Variants in TNNI3K observed in about 807,000 individuals in gnomAD.
TNNI3K encodes serine/threonine-protein kinase TNNI3K.
Under a neutral mutation model 114.5 loss-of-function variants are expected in TNNI3K, and 140 were observed. The observed-to-expected ratio is 1.22, with a 90% confidence interval of 1.07 to 1.41. The LOEUF (loss-of-function observed/expected upper bound fraction) is 1.41. Ranked by LOEUF, TNNI3K falls within the 40% of genes most tolerant of loss-of-function variation. TNNI3K has a pLI of 0.00. For missense variants in TNNI3K, 1,125 were observed against 1,007.6 expected, an observed-to-expected ratio of 1.12 and a Z score of -1.58; for synonymous variants, 347 against 347.5, an observed-to-expected ratio of 1.00 and a Z score of 0.02.
At chr1:74,513,417 T>G (rs1646296735) in intron 23 of TNNI3K, among the ~76,000 whole-genome samples, 1 of 152,210 alleles carries the variant, frequency 6.6e-6, no homozygotes, top group Non-Finnish European at 1.5e-5. Flanking sequence ...CTTTGCAATG[T>G]TCCCTCAGAA....
At chr1:74,426,165 A>G (rs1294163982) in intron 17 of TNNI3K, among the ~76,000 whole-genome samples, 1 of 152,092 alleles carries the variant, frequency 6.6e-6, no homozygotes, top group Admixed American at 6.6e-5. Flanking sequence ...AGTAAAAGCT[A>G]TAGTTTCAGA....
intron 9 of TNNI3K, 124 bp from the exon 10 acceptor site, chr1:74,353,142 C>A (rs576029568): frequency 1.6e-4 from 157 of 999,042 alleles, no homozygotes; most frequent in Non-Finnish European, 2.1e-4. Context: ...TAAATACAGT[C>A]TCATTGTCAG....
At chr1:74,453,691 G>A (rs1667117367) in intron 20 of TNNI3K, among the ~76,000 whole-genome samples, 1 of 152,112 alleles carries the variant, frequency 6.6e-6, no homozygotes, top group African/African-American at 2.4e-5. Flanking sequence ...TGTAATCTCA[G>A]GTTTAGGAAA....
chr1:74,530,365 T>A (rs868507957), intron 23 of TNNI3K, among the ~76,000 whole-genome samples: 1 of 152,234 alleles, frequency 6.6e-6, no homozygotes, highest in African/African-American at 2.4e-5. Context: ...AACTGGGTTA[T>A]CTTGGGTAAG....
chr1:74,434,567 A>G (rs997332753), intron 17 of TNNI3K, among the ~76,000 whole-genome samples: 22 of 151,720 alleles, frequency 1.5e-4, no homozygotes, highest in Admixed American at 4.0e-4. Context: ...AACCCACTCT[A>G]TCTAGTAGTA....
At chr1:74,346,769 G>T (rs1661019511) in intron 9 of TNNI3K, among the ~76,000 whole-genome samples, 1 of 151,316 alleles carries the variant, frequency 6.6e-6, no homozygotes, top group East Asian at 1.9e-4. Flanking sequence ...CACAATTCTG[G>T]AGGCTAGAAG....
intron 20 of TNNI3K, among the ~76,000 whole-genome samples, chr1:74,446,948 G>A (rs1299882042): frequency 9.9e-6 from 1 of 101,348 alleles, no homozygotes. Flanking sequence ...CTGTAGCCTT[G>A]TAGTATAGTT....
At chr1:74,298,726 G>A (rs962247498) in intron 5 of TNNI3K, among the ~76,000 whole-genome samples, 5 of 151,974 alleles carry the variant, frequency 3.3e-5, no homozygotes, top group African/African-American at 1.2e-4. Flanking sequence ...TGCCTTATGC[G>A]GGAGTTGCAT....
intron 5 of TNNI3K, among the ~76,000 whole-genome samples, chr1:74,302,484 G>T (rs557940766): frequency 1.3e-5 from 2 of 152,260 alleles, no homozygotes; most frequent in South Asian, 4.1e-4. Context: ...CAAAAGGTAG[G>T]CCTCTTATGC....
At chr1:74,317,874 A>G (rs909161340) in intron 5 of TNNI3K, among the ~76,000 whole-genome samples, 31 of 152,154 alleles carry the variant, frequency 2.0e-4, no homozygotes, top group African/African-American at 6.5e-4. Context: ...CCGCTGATCA[A>G]TGCGCTGCTG....
At chr1:74,357,178 G>A (rs1278956662) in intron 11 of TNNI3K, among the ~76,000 whole-genome samples, 1 of 152,100 alleles carries the variant, frequency 6.6e-6, no homozygotes, top group Middle Eastern at 3.2e-3. Context: ...AGTTCCCTGA[G>A]CAATTTGGAG....
At chr1:74,471,109 G>C (rs778420807) in intron 21 of TNNI3K, 1 of 400,648 alleles carries the variant, frequency 2.5e-6, no homozygotes. Flanking sequence ...GGGCAATTTT[G>C]ATGTGTTTCC....
chr1:74,433,345 C>G (rs1349859560), intron 17 of TNNI3K, among the ~76,000 whole-genome samples: 2 of 152,060 alleles, frequency 1.3e-5, no homozygotes, highest in East Asian at 3.9e-4. Context: ...CTGATTAGCA[C>G]AGGTTCTGCC....
intron 17 of TNNI3K, among the ~76,000 whole-genome samples, chr1:74,408,124 C>G (rs1664706861): frequency 6.6e-6 from 1 of 152,172 alleles, no homozygotes; most frequent in Admixed American, 6.6e-5. Flanking sequence ...TCACCACATA[C>G]TTAATAGCTA....
intron 6 of TNNI3K, among the ~76,000 whole-genome samples, chr1:74,332,745 C>T (rs1302542314): frequency 6.6e-6 from 1 of 152,026 alleles, no homozygotes; most frequent in East Asian, 1.9e-4. Context: ...TTTTGCTGTA[C>T]CAAAGTACCT....
chr1:74,359,448 C>G (rs1661837551), intron 11 of TNNI3K, among the ~76,000 whole-genome samples: 1 of 151,916 alleles, frequency 6.6e-6, no homozygotes, highest in Non-Finnish European at 1.5e-5. Flanking sequence ...TATAAACCCT[C>G]TGATGAAGGG....
At chr1:74,379,378 T>A (rs1433416494) in intron 17 of TNNI3K, among the ~76,000 whole-genome samples, 1 of 151,642 alleles carries the variant, frequency 6.6e-6, no homozygotes, top group African/African-American at 2.4e-5. Flanking sequence ...GGAGTAAACA[T>A]TAAAATAAAA....
chr1:74,467,882 T>C (rs1358020959), intron 21 of TNNI3K, among the ~76,000 whole-genome samples: 1 of 151,996 alleles, frequency 6.6e-6, no homozygotes, highest in Non-Finnish European at 1.5e-5. Flanking sequence ...GCGCCCCAGG[T>C]GATTTGTGCC....
At chr1:74,521,774 G>T (rs191665978) in intron 23 of TNNI3K, among the ~76,000 whole-genome samples, 75 of 152,248 alleles carry the variant, frequency 4.9e-4, no homozygotes, top group African/African-American at 1.7e-3. Flanking sequence ...ATACATGAAT[G>T]AATAAATGGG....
Sources: gnomAD v4.1 joint callset for allele counts (sites outside exome capture counted in the v4.1 genomes callset) on GRCh38, gnomAD v4.1.1 for gene constraint, MANE v1.5 for transcripts, NCBI Gene and HGNC (gene_info 2026-07-23, HGNC 2026-07-21) for gene names.